SELENOT: variants seen among roughly 807,000 people sequenced by gnomAD.
SELENOT encodes the protein selenoprotein T.
SELENOT carries 9 observed loss-of-function variants against 24.3 expected under a neutral mutation model. That is an observed-to-expected ratio of 0.37 (90% confidence interval 0.22 to 0.65). The LOEUF (loss-of-function observed/expected upper bound fraction) is 0.65. SELENOT is among the 30% of genes least tolerant of loss of function. The pLI, the probability that SELENOT is intolerant of heterozygous loss-of-function variation, is 0.60. For synonymous variants in SELENOT, 81 were observed against 86.0 expected (o/e 0.94, Z 0.32); for missense variants, 166 against 247.6 (o/e 0.67, Z 2.21).
At chr3:150,609,527 T>G (rs573547398) in intron 1 of SELENOT, among the ~76,000 whole-genome samples, 5 of 152,218 alleles carry the variant, frequency 3.3e-5, no homozygotes, top group African/African-American at 1.2e-4. Flanking sequence ...TTTTGTATTT[T>G]TTTGTAGAGA....
At chr3:150,603,836 G>A (rs192947693) in intron 1 of SELENOT, 836 of 209,878 alleles carry the variant, frequency 4.0e-3, no homozygotes, top group Non-Finnish European at 5.4e-3. Context: ...CACCCCGGCT[G>A]CCTGCGGAGA....
chr3:150,606,049 G>A lies in SELENOT; in HGVS notation c.137+2550G>A, dbSNP rs577432482. ...TGGTAATTGTACCACTTTTGCAATT[G>A]TTAGTCAACACAATAGCAACATAGT... On this transcript the variant is annotated intron_variant, in intron 1 of 5. Coordinates refer to ENST00000471696, the MANE Select transcript of SELENOT (RefSeq NM_016275.5). Among the ~76,000 whole-genome samples, 4 of 151,132 alleles carry A rather than the reference G, an allele frequency of 2.6e-5. No homozygotes were observed. In the East Asian group the frequency reaches 7.8e-4, roughly 29 times the overall value.
At chr3:150,626,503 G>A (rs1156467955) in intron 4 of SELENOT, among the ~76,000 whole-genome samples, 2 of 152,164 alleles carry the variant, frequency 1.3e-5, no homozygotes, top group African/African-American at 4.8e-5. Flanking sequence ...TCCCTTTACA[G>A]TTTATTGACC....
intron 1 of SELENOT, among the ~76,000 whole-genome samples, chr3:150,617,844 G>GTTTGGTTTGA (rs1296593770): frequency 1.3e-5 from 2 of 151,884 alleles, no homozygotes; most frequent in Admixed American, 1.3e-4. Context: ...TTTTTGTTTG[G>GTTTGGTTTGA]TTTGGTTTGG....
chr3:150,619,484 C>G (rs1726292957), intron 1 of SELENOT, among the ~76,000 whole-genome samples: 1 of 151,994 alleles, frequency 6.6e-6, no homozygotes, highest in South Asian at 2.1e-4. Flanking sequence ...TGCAGTGAGC[C>G]GAGATCGCGC....
At chr3:150,627,186 A>C in intron 5 of SELENOT, 23 bp downstream of exon 5, 7 of 1,551,414 alleles carry the variant, frequency 4.5e-6, no homozygotes, top group Non-Finnish European at 6.1e-6. Context: ...AAATATAGCT[A>C]ATGTATAGGT....
Position 150,605,834 on chromosome 3 carries a change from A to C in SELENOT, c.137+2335A>C, listed in dbSNP as rs115687345. Among the ~76,000 whole-genome samples the C allele has an allele frequency of 3.1e-3, 478 of 152,334 alleles. 2 individuals are homozygous for C. Among genetic ancestry groups the C allele is most frequent in the Non-Finnish European group, 5.5e-3 (375 of 68,034 alleles). ...TTTGTTTGAGAAAGGACAGGAAGCT[A>C]ATACGTTTGAGGATAAACATGAGAA... is the stretch of plus-strand genomic sequence containing the variant. On this transcript the variant is annotated intron_variant, in intron 1 of 5. Coordinates refer to ENST00000471696, the MANE Select transcript of SELENOT (RefSeq NM_016275.5).
intron 1 of SELENOT, chr3:150,611,919 C>T (rs1335736346): frequency 3.0e-5 from 29 of 968,650 alleles, no homozygotes; most frequent in South Asian, 2.7e-4. Context: ...GAAATCCCCA[C>T]TCTCCTGGCC....
Position 150,624,907 on chromosome 3 carries a change from C to T in SELENOT, c.463+8C>T. 1 of 1,480,198 alleles carries T rather than the reference C, an allele frequency of 6.8e-7. No homozygotes were observed. The highest frequency in any genetic ancestry group is 9.1e-7 in the Non-Finnish European group (1 of 1,093,742). 91.7% of individuals were successfully genotyped at this position (1,480,198 alleles called of 1,614,324 possible). On this transcript the variant is annotated splice_region_variant and intron_variant, in intron 4 of 5. Transcript: ENST00000471696. ...TTGAGATAACTTTAAATGGTAGGTT[C>T]TGAATAGTTTGCATTTTGTGATTGA...
intron 1 of SELENOT, among the ~76,000 whole-genome samples, chr3:150,608,007 T>C (rs1353553760): frequency 6.6e-6 from 1 of 152,148 alleles, no homozygotes; most frequent in East Asian, 1.9e-4. Context: ...AGAGATGTAT[T>C]TGAGAGATCT....
chr3:150,614,637 T>C (rs1726172426), intron 1 of SELENOT: 1 of 154,292 alleles, frequency 6.5e-6, no homozygotes, highest in African/African-American at 2.4e-5. Context: ...TTGATAGGTA[T>C]AGGAAAGAGG....
intron 1 of SELENOT, chr3:150,618,963 C>G (rs1726277035): frequency 2.0e-5 from 3 of 152,132 alleles, no homozygotes; most frequent in African/African-American, 7.2e-5. Flanking sequence ...AGTACTGTTT[C>G]CAAAATATTT....
intron 1 of SELENOT, among the ~76,000 whole-genome samples, chr3:150,604,978 G>C (rs985033103): frequency 1.3e-5 from 2 of 150,408 alleles, no homozygotes; most frequent in Admixed American, 6.6e-5. Flanking sequence ...CGGAGGTTGC[G>C]GTGAGCCGAG....
chr3:150,611,591 T>C lies in SELENOT; in HGVS notation c.137+8092T>C, dbSNP rs574191389. On this transcript the variant is annotated intron_variant, in intron 1 of 5. Coordinates refer to ENST00000471696, the MANE Select transcript of SELENOT (RefSeq NM_016275.5). ...ATTAAGTTTTTATGATAATCACATA[T>C]GTAAAGATGCCTGCGCTCTTATCCA... 192 of 1,338,720 alleles carry C rather than the reference T, an allele frequency of 1.4e-4. 1 individual carries two copies. In the East Asian group the frequency reaches 4.3e-3, roughly 30 times the overall value. The allele number at this position is 1,338,720 out of a possible 1,614,324, so 82.9% of individuals were successfully genotyped here.
Position 150,627,095 on chromosome 3 carries a change from C to A in SELENOT, c.549C>A (p.Leu183=), listed in dbSNP as rs1321336828. 1.9e-6 allele frequency: 3 copies of A among 1,613,800 alleles called. No individual in the cohort carries two copies. Among genetic ancestry groups the A allele is most frequent in the South Asian group, 1.1e-5 (1 of 91,060 alleles). ...AAATTCTTGACAATGAAATGAAGCT[C>A]AATGTGCATATGGATTCAATCCCAC... ...LVQILDNEMK[L]NVHMDSIPHH... Residue 183 remains leucine (L), a synonymous_variant, in exon 5 of 6, where the codon CTC becomes CTA. Coordinates refer to ENST00000471696, the MANE Select transcript of SELENOT (RefSeq NM_016275.5).
At chr3:150,611,976 C>T (rs554894923) in intron 1 of SELENOT, 23 of 606,264 alleles carry the variant, frequency 3.8e-5, no homozygotes, top group African/African-American at 3.2e-4. Context: ...AGCTGCATGG[C>T]AGAACACCAA....
chr3:150,614,302 C>T (rs926198295), intron 1 of SELENOT, among the ~76,000 whole-genome samples: 11 of 152,012 alleles, frequency 7.2e-5, no homozygotes, highest in African/African-American at 2.7e-4. Context: ...ATTAGTAATT[C>T]TTAGAAGCTA....
chr3:150,609,682 A>C (rs188342177), intron 1 of SELENOT, among the ~76,000 whole-genome samples: 1 of 152,286 alleles, frequency 6.6e-6, no homozygotes, highest in East Asian at 1.9e-4. Flanking sequence ...ATCCTCTGTC[A>C]GGATATAGAA....
chr3:150,625,749 TTTATA>T (rs1466114574), intron 4 of SELENOT, among the ~76,000 whole-genome samples: 3 of 152,246 alleles, frequency 2.0e-5, no homozygotes, highest in Admixed American at 6.5e-5. Flanking sequence ...GAAATTTATC[TTTATA>T]TTATATAAGT....
Sources: gnomAD v4.1 joint callset for allele counts (sites outside exome capture counted in the v4.1 genomes callset) on GRCh38, gnomAD v4.1.1 for gene constraint, MANE v1.5 for transcripts, NCBI Gene and HGNC (gene_info 2026-07-23, HGNC 2026-07-21) for gene names.